The following CAMK4 variants were observed in gnomAD, a reference collection of about 807,000 sequenced individuals.
CAMK4 encodes calcium/calmodulin-dependent protein kinase type IV.
Under a neutral mutation model 44.9 loss-of-function variants are expected in CAMK4, and 22 were observed. The ratio of observed to expected loss-of-function variants is 0.49; its 90% CI spans 0.35 to 0.70. The LOEUF (loss-of-function observed/expected upper bound fraction) is 0.70. Ranked by LOEUF, CAMK4 falls within the 30% of genes least tolerant of loss-of-function variation. CAMK4 has a pLI of 0.01. For synonymous variants in CAMK4, 218 were observed against 215.4 expected (o/e 1.01, Z -0.11); for missense variants, 498 against 586.8 (o/e 0.85, Z 1.56).
intron 1 of CAMK4, among the ~76,000 whole-genome samples, chr5:111,242,708 C>G (rs1449705943): frequency 1.3e-5 from 2 of 152,106 alleles, no homozygotes; most frequent in Non-Finnish European, 2.9e-5. Context: ...TTACGCCCAC[C>G]ACTCCTGCGT....
intron 1 of CAMK4, among the ~76,000 whole-genome samples, chr5:111,296,293 A>C (rs10500205): frequency 0.053 from 8,091 of 152,276 alleles, 544 homozygotes; most frequent in East Asian, 0.23. Context: ...AGCCTAAGGA[A>C]AACAAGTCTG....
At chr5:111,454,187 G>A (rs1482717004) in intron 7 of CAMK4, among the ~76,000 whole-genome samples, 3 of 151,730 alleles carry the variant, frequency 2.0e-5, no homozygotes, top group Non-Finnish European at 4.4e-5. Context: ...GAGATGAGAT[G>A]CGAGCTTGTT....
intron 1 of CAMK4, among the ~76,000 whole-genome samples, chr5:111,308,389 G>A (rs968607840): frequency 2.0e-5 from 3 of 152,118 alleles, no homozygotes; most frequent in Non-Finnish European, 4.4e-5. Context: ...ATATAAAATA[G>A]GTGGTGGTAA....
At chr5:111,232,794 T>G (rs893121406) in intron 1 of CAMK4, among the ~76,000 whole-genome samples, 1 of 151,066 alleles carries the variant, frequency 6.6e-6, no homozygotes, top group African/African-American at 2.4e-5. Flanking sequence ...GAAAAAACAA[T>G]CCCATAGCCT....
At chr5:111,299,241 T>G (rs1747619245) in intron 1 of CAMK4, among the ~76,000 whole-genome samples, 1 of 152,244 alleles carries the variant, frequency 6.6e-6, no homozygotes, top group Non-Finnish European at 1.5e-5. Flanking sequence ...TGTAACCATG[T>G]CACATGAAGT....
intron 5 of CAMK4, among the ~76,000 whole-genome samples, chr5:111,401,679 A>G (rs1331058115): frequency 6.6e-6 from 1 of 152,238 alleles, no homozygotes; most frequent in South Asian, 2.1e-4. Flanking sequence ...TTGATAATGA[A>G]TTGGTGACTA....
chr5:111,391,426 T>G (rs1430278064), intron 4 of CAMK4, among the ~76,000 whole-genome samples: 1 of 152,014 alleles, frequency 6.6e-6, no homozygotes, highest in African/African-American at 2.4e-5. Context: ...AGAATGATTA[T>G]GGGACGTGGA....
chr5:111,320,614 C>G (rs867947009), intron 1 of CAMK4, among the ~76,000 whole-genome samples: 2 of 152,308 alleles, frequency 1.3e-5, no homozygotes, highest in South Asian at 4.1e-4. Flanking sequence ...TCAAGTGATT[C>G]TCCTGCCTCA....
intron 1 of CAMK4, among the ~76,000 whole-genome samples, chr5:111,301,414 G>A (rs949864890): frequency 2.6e-5 from 4 of 152,102 alleles, no homozygotes; most frequent in Non-Finnish European, 4.4e-5. Context: ...GCTCCTACAT[G>A]GATGGTGATG....
At chr5:111,253,215 C>T (rs1580483379) in intron 1 of CAMK4, among the ~76,000 whole-genome samples, 1 of 152,300 alleles carries the variant, frequency 6.6e-6, no homozygotes, top group South Asian at 2.1e-4. Flanking sequence ...TAATTTAGTG[C>T]ACCTTTCCTG....
At chr5:111,457,839 A>C (rs1001285093) in intron 7 of CAMK4, among the ~76,000 whole-genome samples, 1 of 152,248 alleles carries the variant, frequency 6.6e-6, no homozygotes, top group African/African-American at 2.4e-5. Flanking sequence ...CTGCAATCCA[A>C]TCAAGTAAAG....
intron 1 of CAMK4, among the ~76,000 whole-genome samples, chr5:111,332,729 T>C (rs1302932789): frequency 2.0e-5 from 3 of 151,646 alleles, no homozygotes; most frequent in Middle Eastern, 3.2e-3. Flanking sequence ...TTGGGTGTTA[T>C]GCCTGACTTC....
chr5:111,322,720 A>G (rs1681781347), intron 1 of CAMK4, among the ~76,000 whole-genome samples: 1 of 152,094 alleles, frequency 6.6e-6, no homozygotes, highest in Non-Finnish European at 1.5e-5. Context: ...TAGAAGATAA[A>G]GACTGTAAAA....
chr5:111,445,465 A>G (rs1324274168), intron 5 of CAMK4, among the ~76,000 whole-genome samples: 4 of 151,884 alleles, frequency 2.6e-5, no homozygotes, highest in Non-Finnish European at 5.9e-5. Flanking sequence ...GTCTTGCTCT[A>G]TCACCCAGGC....
At chr5:111,364,684 T>C (rs1750723487) in intron 2 of CAMK4, among the ~76,000 whole-genome samples, 1 of 152,124 alleles carries the variant, frequency 6.6e-6, no homozygotes, top group South Asian at 2.1e-4. Context: ...ATTTCAATCC[T>C]GGGCTTCCTC....
At position 111,262,505 on chromosome 5, in the gene CAMK4, A is replaced by C. The variant is rs143319982; in HGVS notation, c.161+37861A>C. On this transcript the variant is annotated intron_variant, in intron 1 of 10. Coordinates refer to ENST00000282356, the MANE Select transcript of CAMK4 (RefSeq NM_001744.6). ...GTAGCAGAGCAAGAATTTATAATGG[A>C]AAGTTTTCTAAAGGAAACACATTTT... Among the ~76,000 whole-genome samples the C allele has an allele frequency of 3.4e-3, 516 of 152,348 alleles. 4 individuals carry two copies. Among genetic ancestry groups the C allele is most frequent in the African/African-American group, 0.012 (490 of 41,572 alleles).
At chr5:111,479,969 C>G (rs931398668) in intron 9 of CAMK4, among the ~76,000 whole-genome samples, 4 of 152,048 alleles carry the variant, frequency 2.6e-5, no homozygotes, top group Admixed American at 2.6e-4. Flanking sequence ...GAGGGATGGT[C>G]TTATAAATAA....
intron 1 of CAMK4, among the ~76,000 whole-genome samples, chr5:111,280,975 T>G (rs573193618): frequency 1.2e-4 from 18 of 152,280 alleles, no homozygotes; most frequent in African/African-American, 4.3e-4. Context: ...TTTCTGGGTG[T>G]GATTTGGCCC....
intron 1 of CAMK4, among the ~76,000 whole-genome samples, chr5:111,325,231 T>C (rs1425418147): frequency 6.6e-6 from 1 of 152,110 alleles, no homozygotes; most frequent in African/African-American, 2.4e-5. Context: ...TATTTATATA[T>C]ATGCCACATT....
Sources: allele counts gnomAD v4.1 joint callset (sites outside exome capture counted in the v4.1 genomes callset), GRCh38; gene constraint gnomAD v4.1.1; transcripts MANE v1.5; gene names NCBI Gene and HGNC (gene_info 2026-07-23, HGNC 2026-07-21).